PTDSS2: variants seen among roughly 807,000 people sequenced by gnomAD.
PTDSS2 encodes the protein PSS-2.
PTDSS2 carries 41 observed loss-of-function variants against 64.7 expected under a neutral mutation model. That is an observed-to-expected ratio of 0.63 (90% CI 0.49 to 0.82). The LOEUF is 0.82. Ranked by LOEUF, PTDSS2 falls within the 40% of genes least tolerant of loss-of-function variation. The probability of loss-of-function intolerance (pLI) is 0.00; values close to 1 mark genes in which losing one functional copy is unlikely to be tolerated. For missense variants in PTDSS2, 485 were observed against 650.0 expected (o/e 0.75, Z 2.76); for synonymous variants, 297 against 277.8 (o/e 1.07, Z -0.69).
chr11:469,955 A>G (rs913978232), intron 2 of PTDSS2, among the ~76,000 whole-genome samples: 1 of 152,206 alleles, frequency 6.6e-6, no homozygotes, highest in Non-Finnish European at 1.5e-5. Context: ...TTAGAATATA[A>G]CCCAGAGTAG....
rs533395899 is a variant in PTDSS2 at position 489,672 on chromosome 11, G to A, written c.1054G>A (p.Val352Ile). 10 of 1,597,966 alleles carry A rather than the reference G, an allele frequency of 6.3e-6. No homozygotes were observed. The East Asian group carries it at 6.9e-5, about 11-fold the overall frequency. The part of the protein sequence containing the change: ...PEHYLVLLRL[V>I]FFVNVGGVAM... Reference sequence around the variant, plus strand: ...GCACTACCTGGTCCTCCTGCGGCTCGTCTTCTTCGTGAACGTGGGTGGCGT... The same window carrying A: ...GCACTACCTGGTCCTCCTGCGGCTCATCTTCTTCGTGAACGTGGGTGGCGT... Residue 352 changes from valine to isoleucine, a missense_variant, in exon 10 of 12, where the codon GTC (valine) becomes ATC (isoleucine). Physicochemically the swap from Val to Ile is conservative, Grantham distance 29. Coordinates refer to ENST00000308020, the MANE Select transcript of PTDSS2 (RefSeq NM_030783.3).
chr11:458,457 G>A (rs1445059279), intron 1 of PTDSS2, among the ~76,000 whole-genome samples: 6 of 150,274 alleles, frequency 4.0e-5, no homozygotes, highest in Non-Finnish European at 5.9e-5. Context: ...CGCCCGCCTC[G>A]GCCTCCCAAA....
At chr11:452,105 G>A (rs1006510964) in intron 1 of PTDSS2, among the ~76,000 whole-genome samples, 9 of 152,042 alleles carry the variant, frequency 5.9e-5, no homozygotes, top group South Asian at 4.2e-4. Context: ...CTGAGGTCCC[G>A]GAGCAAGAAG....
intron 1 of PTDSS2, among the ~76,000 whole-genome samples, chr11:458,243 C>T (rs1446272397): frequency 6.7e-6 from 1 of 149,376 alleles, no homozygotes; most frequent in Non-Finnish European, 1.5e-5. Context: ...CTCGCTCTGT[C>T]GCCCAGGCTG....
At chr11:489,809 G>T in intron 10 of PTDSS2, 74 bp from the exon 11 acceptor site, 4 of 1,555,864 alleles carry the variant, frequency 2.6e-6, no homozygotes, top group Non-Finnish European at 3.5e-6. Context: ...GAGCCTGGGA[G>T]GCCGGAGCCT....
chr11:478,973 A>G (rs1348819731), intron 3 of PTDSS2, 112 bp from the exon 4 acceptor site: 4 of 773,880 alleles, frequency 5.2e-6, no homozygotes, highest in Non-Finnish European at 8.9e-6. Flanking sequence ...GGGGCCTGTG[A>G]AGGGCCCAGA....
At chr11:449,212 C>G (rs1404200257), upstream of PTDSS2, among the ~76,000 whole-genome samples, 2 of 152,080 alleles carry the variant, frequency 1.3e-5, no homozygotes, top group Non-Finnish European at 2.9e-5. Flanking sequence ...GGATTACAAG[C>G]GCCCGCCACA....
At chr11:465,379 A>G (rs1847095707) in intron 2 of PTDSS2, among the ~76,000 whole-genome samples, 1 of 152,132 alleles carries the variant, frequency 6.6e-6, no homozygotes, top group Admixed American at 6.5e-5. Flanking sequence ...TTTTGTAGAG[A>G]TAAAGTCTCA....
chr11:484,065 T>A (rs1381472065), intron 4 of PTDSS2, among the ~76,000 whole-genome samples: 1 of 152,218 alleles, frequency 6.6e-6, no homozygotes, highest in African/African-American at 2.4e-5. Flanking sequence ...ATGGGAGAGA[T>A]CCTGCTTCTC....
chr11:449,440 C>T (rs1332231556), upstream of PTDSS2, among the ~76,000 whole-genome samples: 3 of 152,266 alleles, frequency 2.0e-5, no homozygotes, highest in African/African-American at 7.2e-5. Context: ...TGGCTAATAA[C>T]ATGCCGCTAT....
chr11:464,339 C>G (rs1481475593), intron 2 of PTDSS2, among the ~76,000 whole-genome samples: 5 of 152,218 alleles, frequency 3.3e-5, no homozygotes, highest in Admixed American at 2.6e-4. Flanking sequence ...TAATCTGTGT[C>G]TGATTCACGC....
At chr11:467,015 A>G (rs1847177419) in intron 2 of PTDSS2, among the ~76,000 whole-genome samples, 1 of 152,028 alleles carries the variant, frequency 6.6e-6, no homozygotes, top group South Asian at 2.1e-4. Context: ...AGATCACACC[A>G]CTGCACTCCA....
In PTDSS2 at chr11:473,877, T is replaced by A; in HGVS notation, c.285-18T>A. On this transcript the variant is annotated intron_variant, in intron 2 of 11. Coordinates refer to ENST00000308020, the MANE Select transcript of PTDSS2 (RefSeq NM_030783.3). ...GAAGCCTGCACACACTGAGGGGCTG[T>A]TTGTTCTTTATTTGCAGAGGTATTG... 3 of 1,591,950 alleles carry A rather than the reference T, an allele frequency of 1.9e-6. No homozygotes were observed. The highest frequency in any genetic ancestry group is 2.6e-6 in the Non-Finnish European group (3 of 1,159,896).
chr11:456,911 CT>C (rs1379472577), intron 1 of PTDSS2, among the ~76,000 whole-genome samples: 1 of 152,172 alleles, frequency 6.6e-6, no homozygotes, highest in African/African-American at 2.4e-5. Context: ...CACAATGAAA[CT>C]TTTATTTACC....
intron 1 of PTDSS2, among the ~76,000 whole-genome samples, chr11:452,268 C>T (rs61333546): frequency 5.3e-5 from 8 of 152,370 alleles, no homozygotes; most frequent in East Asian, 3.9e-4. Context: ...TACCGTTCTA[C>T]GGGACATAGC....
At position 462,535 on chromosome 11, in the gene PTDSS2, C is replaced by T. The variant is rs1846939762; in HGVS notation, c.284+2247C>T. Among the ~76,000 whole-genome samples the T allele has an allele frequency of 6.6e-6, 1 of 152,252 alleles. No homozygotes were observed. Among genetic ancestry groups the T allele is most frequent in the Non-Finnish European group, 1.5e-5 (1 of 68,042 alleles). On this transcript the variant is annotated intron_variant, in intron 2 of 11. Coordinates refer to ENST00000308020, the MANE Select transcript of PTDSS2 (RefSeq NM_030783.3). This position sits in a 1 kb window ranked among gnomAD's most constrained non-coding sequence, Gnocchi z 4.5. Reference sequence around the variant, plus strand: ...CACCTGTCCTTCTCTGCTGCTGGCACCTAGAACCTGCTCTGGGCTCCTTCC... The same window carrying T: ...CACCTGTCCTTCTCTGCTGCTGGCATCTAGAACCTGCTCTGGGCTCCTTCC...
At chr11:457,184 C>T (rs1846634915) in intron 1 of PTDSS2, among the ~76,000 whole-genome samples, 1 of 152,230 alleles carries the variant, frequency 6.6e-6, no homozygotes, top group African/African-American at 2.4e-5. Flanking sequence ...TGCAGCTCCA[C>T]CCTGGCTCTT....
At position 466,403 on chromosome 11, in the gene PTDSS2, T is replaced by C. The variant is rs1402587160; in HGVS notation, c.284+6115T>C. On this transcript the variant is annotated intron_variant, in intron 2 of 11. Transcript: ENST00000308020. The stretch of plus-strand genomic sequence containing the variant: ...CGGGCACAGGAAAAACTGCCACTCT[T>C]TTTTTTTTTTTTTTTTTTTTGAGAC... Among the ~76,000 whole-genome samples, 4 of 140,814 alleles carry C rather than the reference T, an allele frequency of 2.8e-5. No individual in the cohort carries two copies. The East Asian group carries it at 8.0e-4, about 28-fold the overall frequency. The allele number at this position is 140,814 out of a possible 152,430, so 92.4% of individuals were successfully genotyped here. A position where few individuals can be genotyped will look rare whatever the true frequency, so the allele number is the denominator to read the frequency against.
chr11:468,071 G>C, intron 2 of PTDSS2, among the ~76,000 whole-genome samples: 1 of 152,206 alleles, frequency 6.6e-6, no homozygotes, highest in Admixed American at 6.5e-5. Context: ...AGAGGTTGCA[G>C]CGAGCTGTGA....
Sources: gnomAD v4.1 joint callset for allele counts (sites outside exome capture counted in the v4.1 genomes callset) on GRCh38, gnomAD v4.1.1 for gene constraint, Gnocchi (gnomAD v3.1) non-coding constraint, MANE v1.5 for transcripts, NCBI Gene and HGNC (gene_info 2026-07-23, HGNC 2026-07-21) for gene names.